Variants in IFRD2 observed in about 807,000 individuals in gnomAD.
IFRD2 encodes interferon related developmental regulator 2.
A neutral mutation model predicts 49.2 loss-of-function variants in IFRD2; 35 were observed. The observed-to-expected ratio is 0.71, with a 90% CI of 0.54 to 0.94. The LOEUF is 0.94. Ranked by LOEUF, IFRD2 falls within the 40% of genes least tolerant of loss-of-function variation. IFRD2 has a pLI of 0.00. For missense variants in IFRD2, 561 were observed against 591.6 expected (o/e 0.95, Z 0.54); for synonymous variants, 275 against 239.7 (o/e 1.15, Z -1.36).
Position 50,292,318 on chromosome 3 carries a change from G to T in IFRD2, c.-44C>A. ...GGGGCGCGGGGTCAGGGACCCGGTG[G>T]GTGTGGGCTCCAGGCCAACGAGACG... On this transcript the variant is annotated 5_prime_UTR_variant, in exon 1 of 12. Coordinates refer to ENST00000417626, the MANE Select transcript of IFRD2 (RefSeq NM_006764.5). The T allele has an allele frequency of 6.4e-7, 1 of 1,566,494 alleles. No individual in the cohort carries two copies. Among genetic ancestry groups the T allele is most frequent in the South Asian group, 1.2e-5 (1 of 86,290 alleles).
Position 50,289,199 on chromosome 3 carries a change from C to T in IFRD2, c.885+56G>A, listed in dbSNP as rs945593096. 61 of 1,444,126 alleles carry T rather than the reference C, an allele frequency of 4.2e-5. No individual in the cohort carries two copies. In the South Asian group the frequency reaches 7.2e-4, roughly 17 times the overall value. 89.5% of individuals were successfully genotyped at this position (1,444,126 alleles called of 1,614,324 possible). On this transcript the variant is annotated intron_variant, in intron 8 of 11. Transcript: ENST00000417626. ...TGTTTTGTGTGGCACCCCCTGCATC[C>T]AGCCTGTGATGGGCAGGTGGTGTCA...
Position 50,288,035 on chromosome 3 carries a change from T to C in IFRD2, c.*156A>G. ...GGGACAAAGGGGTCAGGGTCCCAAG[T>C]GTCCGGGCCCCCAGCTACCCACCCC... On this transcript the variant is annotated 3_prime_UTR_variant, in exon 12 of 12. Coordinates refer to ENST00000417626, the MANE Select transcript of IFRD2 (RefSeq NM_006764.5). 1 of 659,468 alleles carries C rather than the reference T, an allele frequency of 1.5e-6. No homozygotes were observed. Among genetic ancestry groups the C allele is most frequent in the Non-Finnish European group, 2.7e-6 (1 of 369,200 alleles). 40.9% of individuals were successfully genotyped at this position (659,468 alleles called of 1,614,324 possible).
chr3:50,292,005 C>T (rs1701685888), intron 1 of IFRD2: 2 of 555,988 alleles, frequency 3.6e-6, no homozygotes, highest in East Asian at 6.5e-5. Context: ...GGAGCGCGGA[C>T]TCCCAACAGG....
rs1701591516 is a variant in IFRD2, at chr3:50,288,136, C to G, written c.*55G>C. 1 of 1,426,890 alleles carries G rather than the reference C, an allele frequency of 7.0e-7. No individual in the cohort carries two copies. Among genetic ancestry groups the G allele is most frequent in the Admixed American group, 1.8e-5 (1 of 55,752 alleles). 88.4% of individuals were successfully genotyped at this position (1,426,890 alleles called of 1,614,324 possible). A position where few individuals can be genotyped will look rare whatever the true frequency, so the allele number is the denominator to read the frequency against. On this transcript the variant is annotated 3_prime_UTR_variant, in exon 12 of 12. Coordinates refer to ENST00000417626, the MANE Select transcript of IFRD2 (RefSeq NM_006764.5). Reference sequence around the variant, plus strand: ...TGGAGACCAGTTGTTGCACTGTCTTCTGTTAAAAATACGGACCAAGGGCAT... The same window carrying G: ...TGGAGACCAGTTGTTGCACTGTCTTGTGTTAAAAATACGGACCAAGGGCAT...
rs200386050 is a variant in IFRD2, at chr3:50,288,084, T to TAAAA, written c.*103_*106dup. 2.8e-6 allele frequency: 3 copies of TAAAA among 1,079,146 alleles called. No homozygotes were observed. The highest frequency in any genetic ancestry group is 1.6e-5 in the African/African-American group (1 of 63,288). 66.8% of individuals were successfully genotyped at this position (1,079,146 alleles called of 1,614,324 possible). A position where few individuals can be genotyped will look rare whatever the true frequency, so the allele number is the denominator to read the frequency against. ...CCATGTCTGTTTTTGGTTTTGTCAT[T>TAAAA]AAAAAAAATAAAGTGACAAATACTG... On this transcript the variant is annotated 3_prime_UTR_variant, in exon 12 of 12. Coordinates refer to ENST00000417626, the MANE Select transcript of IFRD2 (RefSeq NM_006764.5).
At position 50,288,154 on chromosome 3, in the gene IFRD2, A is replaced by G; in HGVS notation, c.*37T>C. The stretch of plus-strand genomic sequence containing the variant: ...CTGTCTTCTGTTAAAAATACGGACC[A>G]AGGGCATAGAAAGTCTCCTCTTCAG... On this transcript the variant is annotated 3_prime_UTR_variant, in exon 12 of 12. Coordinates refer to ENST00000417626, the MANE Select transcript of IFRD2 (RefSeq NM_006764.5). 1 of 1,539,840 alleles carries G rather than the reference A, an allele frequency of 6.5e-7. No individual in the cohort carries two copies. Among genetic ancestry groups the G allele is most frequent in the South Asian group, 1.1e-5 (1 of 88,816 alleles).
intron 11 of IFRD2, 53 bp from the exon 12 acceptor site, chr3:50,288,324 G>A (rs1386743447): frequency 1.6e-5 from 25 of 1,603,194 alleles, no homozygotes; most frequent in East Asian, 2.2e-5. Context: ...GGAAAGGGCT[G>A]GGGGTCCTCT....
chr3:50,292,405 C>T lies in IFRD2; in HGVS notation c.-131G>A, dbSNP rs782676672. On this transcript the variant is annotated 5_prime_UTR_variant, in exon 1 of 12. The change creates a new upstream start codon in the 5' untranslated region. Coordinates refer to ENST00000417626, the MANE Select transcript of IFRD2 (RefSeq NM_006764.5). ...CGGGAGCCACACGCCACGCGCGCCA[C>T]CATCTTCGCGAGGCGCCCCGCCCTG... 6 of 1,594,012 alleles carry T rather than the reference C, an allele frequency of 3.8e-6. No individual in the cohort carries two copies. The highest frequency in any genetic ancestry group is 5.1e-6 in the Non-Finnish European group (6 of 1,176,358).
Position 50,289,976 on chromosome 3 carries a change from C to A in IFRD2, c.499G>T (p.Val167Phe). Residue 167 changes from valine to phenylalanine, a missense_variant, in exon 5 of 12, where the codon GTC (valine) becomes TTC (phenylalanine). Coordinates refer to ENST00000417626, the MANE Select transcript of IFRD2 (RefSeq NM_006764.5). ...ELFHSLQPLL[V>F]SVLSDSTASP... ...GCTGTGCTGTCACTGAGCACAGAGACCAGCAGAGGCTGCAGGCTGTGAAAC... is the reference window on the plus strand; with the variant it reads ...GCTGTGCTGTCACTGAGCACAGAGAACAGCAGAGGCTGCAGGCTGTGAAAC... 6.2e-7 allele frequency: 1 copy of A among 1,612,890 alleles called. No homozygotes were observed.
Position 50,290,464 on chromosome 3 carries a change from C to T in IFRD2, c.187G>A (p.Val63Ile). 2 of 1,578,466 alleles carry T rather than the reference C, an allele frequency of 1.3e-6. No individual in the cohort carries two copies. Among genetic ancestry groups the T allele is most frequent in the South Asian group, 1.2e-5 (1 of 86,776 alleles). The change falls in exon 3 of 12, where the codon GTC becomes ATC. Residue 63 changes from valine to isoleucine, a missense_variant. Coordinates refer to ENST00000417626, the MANE Select transcript of IFRD2 (RefSeq NM_006764.5). The stretch of plus-strand genomic sequence containing the variant: ...TCCTGCTGGCCCTGCTCATCCACGA[C>T]ATCCCCCCCTGCAAGGCCACCTGGT... ...TTAEDSLGGDVVDEQGQQEDL... is the reference protein window; with the variant it reads ...TTAEDSLGGDIVDEQGQQEDL...
chr3:50,289,237 C>T lies in IFRD2; in HGVS notation c.885+18G>A. The T allele has an allele frequency of 6.4e-7, 1 of 1,552,682 alleles. No individual in the cohort carries two copies. The highest frequency in any genetic ancestry group is 1.2e-5 in the South Asian group (1 of 84,286). ...GCAGGTGGTGTCACCAAGCACCCCCCATCCTTGTCCCTCGCACCTCAAGGT... is the reference window on the plus strand; with the variant it reads ...GCAGGTGGTGTCACCAAGCACCCCCTATCCTTGTCCCTCGCACCTCAAGGT... On this transcript the variant is annotated intron_variant, in intron 8 of 11. Transcript: ENST00000417626.
rs782430121 is a variant in IFRD2, at chr3:50,288,656, T to C, written c.1079A>G (p.Asp360Gly). ...VRFGFEVLYM[D>G]SWARHRIYAA... is the part of the protein sequence containing the mutation. ...GTAGATCCGGTGCCGAGCCCAGCTGTCCATGTAGAGCACCTCAAAGCCGAA... is the reference window on the plus strand; with the variant it reads ...GTAGATCCGGTGCCGAGCCCAGCTGCCCATGTAGAGCACCTCAAAGCCGAA... Residue 360 changes from aspartate (D) to glycine (G), a missense_variant, in exon 10 of 12, where the codon GAC (aspartate) becomes GGC (glycine). Physicochemically the swap from Asp to Gly is moderately conservative, Grantham distance 94. Coordinates refer to ENST00000417626, the MANE Select transcript of IFRD2 (RefSeq NM_006764.5). 3 of 1,613,688 alleles carry C rather than the reference T, an allele frequency of 1.9e-6. No individual in the cohort carries two copies. The highest frequency in any genetic ancestry group is 1.7e-6 in the Non-Finnish European group (2 of 1,179,882).
chr3:50,288,340 C>A, intron 11 of IFRD2, 69 bp from the exon 12 acceptor site: 1 of 1,603,538 alleles, frequency 6.2e-7, no homozygotes, highest in South Asian at 1.1e-5. Flanking sequence ...CCTCTTCCGG[C>A]CTCTACAGAA....
At position 50,288,840 on chromosome 3, in the gene IFRD2, C is replaced by T. The variant is rs781825007; in HGVS notation, c.983G>A (p.Arg328His). The T allele has an allele frequency of 1.0e-4, 168 of 1,613,218 alleles. No homozygotes were observed. The highest frequency in any genetic ancestry group is 1.3e-4 in the Non-Finnish European group (155 of 1,179,588). The part of the protein sequence containing the change: ...NKYRAKADRR[R>H]QRSTFRAVLH... ...CACGGCGCGGAAAGTAGAGCGCTGG[C>T]GCCGACGATCAGCCTTGGCACGGTA... Residue 328 changes from arginine to histidine, a missense_variant, in exon 9 of 12, where the codon CGC (arginine) becomes CAC (histidine). By Grantham distance (29) the Arg-to-His change is conservative. Coordinates refer to ENST00000417626, the MANE Select transcript of IFRD2 (RefSeq NM_006764.5).
Position 50,287,869 on chromosome 3 carries a change from G to A in IFRD2, c.*322C>T. 1 of 355,924 alleles carries A rather than the reference G, an allele frequency of 2.8e-6. No individual in the cohort carries two copies. Among genetic ancestry groups the A allele is most frequent in the East Asian group, 5.6e-5 (1 of 17,912 alleles). 22.0% of individuals were successfully genotyped at this position (355,924 alleles called of 1,614,324 possible). A position where few individuals can be genotyped will look rare whatever the true frequency, so the allele number is the denominator to read the frequency against. On this transcript the variant is annotated 3_prime_UTR_variant, in exon 12 of 12. Coordinates refer to ENST00000417626, the MANE Select transcript of IFRD2 (RefSeq NM_006764.5). ...TGTCCAGATGCCACCACCCCCCTAA[G>A]AGTGGGTCATCCTGGGGGAGCAAGG...
At position 50,290,087 on chromosome 3, in the gene IFRD2, C is replaced by T. The variant is rs1473371111; in HGVS notation, c.389-1G>A. 4 of 1,613,344 alleles carry T rather than the reference C, an allele frequency of 2.5e-6. No homozygotes were observed. Among genetic ancestry groups the T allele is most frequent in the South Asian group, 2.2e-5 (2 of 90,998 alleles). On this transcript the variant is annotated splice_acceptor_variant, in intron 4 of 11. Coordinates refer to ENST00000417626, the MANE Select transcript of IFRD2 (RefSeq NM_006764.5). LOFTEE classifies it high-confidence loss of function. ...GCCAGGGCTTGTTCCTCGCCCTTCCCTGTGGGATGCTTTCCAGTCAGCCCA... is the reference window on the plus strand; with the variant it reads ...GCCAGGGCTTGTTCCTCGCCCTTCCTTGTGGGATGCTTTCCAGTCAGCCCA...
intron 8 of IFRD2, 85 bp downstream of exon 8, chr3:50,289,170 G>C (rs587621843): frequency 7.8e-7 from 1 of 1,289,150 alleles, no homozygotes; most frequent in Non-Finnish European, 1.1e-6. Context: ...ACCTAAAGCT[G>C]TTCTGTTTTG....
intron 11 of IFRD2, 55 bp downstream of exon 11, chr3:50,288,354 C>T (rs1701598018): frequency 6.2e-7 from 1 of 1,603,712 alleles, no homozygotes; most frequent in Non-Finnish European, 8.5e-7. Context: ...TACAGAATTC[C>T]AGGCCTCCAG....
In IFRD2 at chr3:50,289,323, T is replaced by A. The variant is rs1553709215; in HGVS notation, c.817A>T (p.Ser273Cys). Reference sequence around the variant, plus strand: ...CCGGCAGCGATCCGCAGGTTCACACTTTCACTGGACAAGAGCTGGGGCAGC... The same window carrying A: ...CCGGCAGCGATCCGCAGGTTCACACATTCACTGGACAAGAGCTGGGGCAGC... Reference protein sequence around the residue: ...PRLPQLLSSESVNLRIAAGET... With the variant: ...PRLPQLLSSECVNLRIAAGET... The change falls in exon 8 of 12, where the codon AGT becomes TGT. Residue 273 changes from serine to cysteine, a missense_variant. Ser to Cys is a moderately radical substitution (Grantham distance 112, BLOSUM62 -1). Coordinates refer to ENST00000417626, the MANE Select transcript of IFRD2 (RefSeq NM_006764.5). 1 of 1,601,768 alleles carries A rather than the reference T, an allele frequency of 6.2e-7. No homozygotes were observed.
Sources: allele counts gnomAD v4.1 joint callset, GRCh38; gene constraint gnomAD v4.1.1; transcripts MANE v1.5; gene names NCBI Gene and HGNC (gene_info 2026-07-23, HGNC 2026-07-21).